Variants in CHD7 observed in about 807,000 individuals in gnomAD.
CHD7 encodes the protein ATP-dependent chromatin remodeler CHD7.
In CHD7, 24 loss-of-function variants were observed where a neutral mutation model predicts 307.3. The observed-to-expected ratio is 0.08, with a 90% CI of 0.06 to 0.11. The LOEUF is 0.11. Among genes scored for constraint, CHD7 ranks in the 10% least tolerant of loss-of-function variants. CHD7 has a pLI of 1.00. For missense variants in CHD7, 3,106 were observed against 3,727.1 expected, an observed-to-expected ratio of 0.83 and a Z score of 4.34; for synonymous variants, 1,363 against 1,349.9, an observed-to-expected ratio of 1.01 and a Z score of -0.21.
At chr8:60,711,560 T>C (rs1807280085) in intron 1 of CHD7, among the ~76,000 whole-genome samples, 1 of 152,234 alleles carries the variant, frequency 6.6e-6, no homozygotes, top group Non-Finnish European at 1.5e-5. Flanking sequence ...ACTTTGACTT[T>C]AGATGTTGAG....
chr8:60,687,415 T>G (rs1414853267), intron 1 of CHD7, among the ~76,000 whole-genome samples: 1 of 152,228 alleles, frequency 6.6e-6, no homozygotes, highest in Non-Finnish European at 1.5e-5. Context: ...CCTTAAATAA[T>G]TTTTTAAAAG....
At chr8:60,745,595 A>G (rs1039327397) in intron 2 of CHD7, among the ~76,000 whole-genome samples, 1 of 152,160 alleles carries the variant, frequency 6.6e-6, no homozygotes, top group African/African-American at 2.4e-5. Flanking sequence ...TTTTCATTCT[A>G]AGTACAATTA....
intron 34 of CHD7, 101 bp from the exon 35 acceptor site, chr8:60,860,803 T>C (rs1166088373): frequency 4.6e-6 from 4 of 878,382 alleles, no homozygotes; most frequent in Non-Finnish European, 7.1e-6. Context: ...TTTTCTCTTT[T>C]TGATAAAAGA....
intron 1 of CHD7, among the ~76,000 whole-genome samples, chr8:60,714,241 G>GAAGGCCCTCAT (rs1807444293): frequency 6.6e-6 from 1 of 152,040 alleles, no homozygotes; most frequent in South Asian, 2.1e-4. Flanking sequence ...CTGGCACGCG[G>GAAGGCCCTCAT]AAGGCCCTCA....
intron 2 of CHD7, among the ~76,000 whole-genome samples, chr8:60,744,544 T>G: frequency 8.2e-6 from 1 of 122,248 alleles, no homozygotes. Flanking sequence ...GTCAGTTCAT[T>G]AAAAAAAAGA....
intron 16 of CHD7, 71 bp downstream of exon 16, chr8:60,836,354 C>A (rs1336778247): frequency 5.4e-6 from 7 of 1,288,052 alleles, no homozygotes; most frequent in Non-Finnish European, 1.1e-6. Context: ...AAGCAGTCCA[C>A]CTAAAAGTGG....
rs778238030 is a variant in CHD7, at chr8:60,860,884, C to G, written c.7609-20C>G. 2 of 1,578,018 alleles carry G rather than the reference C, an allele frequency of 1.3e-6. No homozygotes were observed. The highest frequency in any genetic ancestry group is 2.2e-5 in the East Asian group (1 of 44,624). On this transcript the variant is annotated intron_variant, in intron 34 of 37. Transcript: ENST00000423902. ...CTCTCTCTTCGTGTGAGAATTCATA[C>G]CATTGTGAACTTTCTGCAGGAGGAT...
chr8:60,844,900 C>A lies in CHD7; in HGVS notation c.4887C>A (p.Arg1629=). The A allele has an allele frequency of 2.5e-6, 4 of 1,611,506 alleles. No homozygotes were observed. The highest frequency in any genetic ancestry group is 3.4e-6 in the Non-Finnish European group (4 of 1,178,104). Residue 1629 remains arginine, a synonymous_variant, in exon 22 of 38, where the codon CGC becomes CGA. Coordinates refer to ENST00000423902, the MANE Select transcript of CHD7 (RefSeq NM_017780.4). ...GRWTDILSHG[R]YKRQLTEQDV... ...GGACAGACATTCTTTCCCACGGACG[C>A]TATAAACGCCAACTCACTGAGCAAG...
At chr8:60,724,701 T>C (rs1013691123) in intron 1 of CHD7, among the ~76,000 whole-genome samples, 1 of 152,242 alleles carries the variant, frequency 6.6e-6, no homozygotes, top group African/African-American at 2.4e-5. Flanking sequence ...CATTTTTCTC[T>C]ATGACTTAAG....
At chr8:60,734,507 C>T (rs1224989974) in intron 1 of CHD7, among the ~76,000 whole-genome samples, 1 of 152,116 alleles carries the variant, frequency 6.6e-6, no homozygotes, top group East Asian at 1.9e-4. Flanking sequence ...TGAAATCAGC[C>T]TGAAGAGGGA....
chr8:60,731,357 A>G (rs1415115755), intron 1 of CHD7, among the ~76,000 whole-genome samples: 2 of 152,234 alleles, frequency 1.3e-5, no homozygotes, highest in Non-Finnish European at 2.9e-5. Context: ...TTGTATCTCA[A>G]ACTGCAAAAG....
rs762431457 is a variant in CHD7 at position 60,852,023 on chromosome 8, G to A, written c.5670G>A (p.Lys1890=). The A allele has an allele frequency of 5.6e-6, 9 of 1,609,276 alleles. No homozygotes were observed. The highest frequency in any genetic ancestry group is 5.5e-5 in the South Asian group (5 of 90,644). Residue 1890 remains lysine, a synonymous_variant, in exon 29 of 38, where the codon AAG becomes AAA. Coordinates refer to ENST00000423902, the MANE Select transcript of CHD7 (RefSeq NM_017780.4). ...AATGTTTTTCCACTTCCCCAGGCAA[G>A]CACAGTGAGAGTAATGCTGAGTTAG... ...EESMEIHATG[K]HSESNAELGQ...
intron 8 of CHD7, among the ~76,000 whole-genome samples, chr8:60,819,445 A>G (rs977961733): frequency 6.6e-6 from 1 of 152,240 alleles, no homozygotes; most frequent in Non-Finnish European, 1.5e-5. Context: ...AAACAGATTA[A>G]TGATGAGACT....
intron 34 of CHD7, 40 bp from the exon 35 acceptor site, chr8:60,860,864 T>G (rs1563668945): frequency 6.8e-7 from 1 of 1,471,744 alleles, no homozygotes; most frequent in Non-Finnish European, 9.4e-7. Flanking sequence ...AGAGGCTCTC[T>G]CTTCGTGTGA....
intron 1 of CHD7, among the ~76,000 whole-genome samples, chr8:60,702,198 T>G (rs1806799737): frequency 6.6e-6 from 1 of 152,138 alleles, no homozygotes; most frequent in Admixed American, 6.5e-5. Flanking sequence ...GGTGAGAGGG[T>G]GTATGATGCA....
chr8:60,828,088 A>G (rs975329169), intron 13 of CHD7, among the ~76,000 whole-genome samples: 1 of 152,208 alleles, frequency 6.6e-6, no homozygotes, highest in African/African-American at 2.4e-5. Context: ...AACTTGGTTC[A>G]AAGAGACAAA....
At chr8:60,728,038 C>CT (rs1808259223) in intron 1 of CHD7, among the ~76,000 whole-genome samples, 1 of 152,218 alleles carries the variant, frequency 6.6e-6, no homozygotes, top group African/African-American at 2.4e-5. Context: ...TGTGTGAGCT[C>CT]TTGAACTGGT....
chr8:60,778,151 G>T (rs1022667169), intron 2 of CHD7, among the ~76,000 whole-genome samples: 1 of 152,062 alleles, frequency 6.6e-6, no homozygotes, highest in Non-Finnish European at 1.5e-5. Flanking sequence ...GGGTATTACT[G>T]GGAGCTCCAG....
Position 60,851,861 on chromosome 8 carries a change from T to C in CHD7, c.5666-158T>C, listed in dbSNP as rs79853029. ...AAGAAATAAGTGTATATATTCCAAG[T>C]GAATGTTATTACTTATTTATATTTT... is the stretch of plus-strand genomic sequence containing the variant. On this transcript the variant is annotated intron_variant, in intron 28 of 37. Coordinates refer to ENST00000423902, the MANE Select transcript of CHD7 (RefSeq NM_017780.4). Among the ~76,000 whole-genome samples the C allele has an allele frequency of 4.5e-3, 678 of 152,338 alleles. 5 individuals carry two copies. The highest frequency in any genetic ancestry group is 0.016 in the African/African-American group (655 of 41,576).
Sources: allele counts gnomAD v4.1 joint callset (sites outside exome capture counted in the v4.1 genomes callset), GRCh38; gene constraint gnomAD v4.1.1; transcripts MANE v1.5; gene names NCBI Gene and HGNC (gene_info 2026-07-23, HGNC 2026-07-21).